The following GUCY2D variants were observed in gnomAD, a reference collection of about 807,000 sequenced individuals.
GUCY2D encodes the protein guanylate cyclase 2D, retinal.
A neutral mutation model predicts 101.3 loss-of-function variants in GUCY2D; 70 were observed. The ratio of observed to expected loss-of-function variants is 0.69; its 90% confidence interval spans 0.57 to 0.84. GUCY2D has a LOEUF of 0.84. Among genes scored for constraint, GUCY2D ranks in the 40% least tolerant of loss-of-function variants. GUCY2D has a pLI of 0.00. For missense variants in GUCY2D, 1,460 were observed against 1,542.5 expected (o/e 0.95, Z 0.90); for synonymous variants, 688 against 670.7 (o/e 1.03, Z -0.40).
At chr17:8,018,805 T>C (rs1187423204) in intron 19 of GUCY2D, among the ~76,000 whole-genome samples, 3 of 151,888 alleles carry the variant, frequency 2.0e-5, no homozygotes, top group Non-Finnish European at 4.4e-5. Flanking sequence ...GGTATTAGGA[T>C]TACAGGGGCT....
At chr17:8,007,329 C>T in intron 5 of GUCY2D, 97 bp from the exon 6 acceptor site, 1 of 964,448 alleles carries the variant, frequency 1.0e-6, no homozygotes, top group Non-Finnish European at 1.7e-6. Flanking sequence ...TCCAGGACCC[C>T]TCCCCTGAGC....
rs747173302 is a variant in GUCY2D, at chr17:8,012,199, G to A, written c.1805G>A (p.Arg602Gln). Residue 602 changes from arginine to glutamine, a missense_variant, in exon 9 of 20, where the codon CGG becomes CAG. Physicochemically the swap from Arg to Gln is conservative, Grantham distance 43 (BLOSUM62 1). Around this residue, in one of 3 missense-constraint regions of GUCY2D, gnomAD observed 1,196 missense variants for 1,229.6 expected, o/e 0.97. Coordinates refer to ENST00000254854, the MANE Select transcript of GUCY2D (RefSeq NM_000180.4). ...VALYLGLFLA[R>Q]GAEGPAALWE... Reference sequence around the variant, plus strand: ...CTCTACCTGGGGCTTTTCCTGGCTCGGGGAGCAGAAGGCCCTGCGGCCCTC... The same window carrying A: ...CTCTACCTGGGGCTTTTCCTGGCTCAGGGAGCAGAAGGCCCTGCGGCCCTC... 3.8e-5 allele frequency: 61 copies of A among 1,613,974 alleles called. No individual in the cohort carries two copies. The highest frequency in any genetic ancestry group is 8.0e-5 in the African/African-American group (6 of 74,930).
chr17:8,016,014 A>G lies in GUCY2D; in HGVS notation c.3131A>G (p.Glu1044Gly). Residue 1044 changes from glutamate to glycine, a missense_variant, in exon 17 of 20, where the codon GAG becomes GGG. Around this residue, in one of 3 missense-constraint regions of GUCY2D, gnomAD observed 215 missense variants for 227.9 expected, o/e 0.94. Coordinates refer to ENST00000254854, the MANE Select transcript of GUCY2D (RefSeq NM_000180.4). Reference protein sequence around the residue: ...GYQVELRGRTELKGKGAEDTF... With the variant: ...GYQVELRGRTGLKGKGAEDTF... ...CAGGTGGAGCTGCGAGGCCGCACGG[A>G]GCTGAAGGTGAGGCAGGGCCCCAAC... is the stretch of plus-strand genomic sequence containing the variant. 1 of 1,607,198 alleles carries G rather than the reference A, an allele frequency of 6.2e-7. No individual in the cohort carries two copies. Among genetic ancestry groups the G allele is most frequent in the Non-Finnish European group, 8.5e-7 (1 of 1,177,374 alleles).
rs564138931 is a variant in GUCY2D, at chr17:8,016,397, C to G, written c.3225-46C>G. Reference sequence around the variant, plus strand: ...CAGCGATGACGTGGGCCCTGCCCTCCCACGCCCCATTCCCCTTCCCTGAGG... The same window carrying G: ...CAGCGATGACGTGGGCCCTGCCCTCGCACGCCCCATTCCCCTTCCCTGAGG... On this transcript the variant is annotated intron_variant, in intron 18 of 19. Transcript: ENST00000254854. 18 of 1,456,624 alleles carry G rather than the reference C, an allele frequency of 1.2e-5. No homozygotes were observed. In the South Asian group the frequency reaches 2.2e-4, roughly 18 times the overall value. The allele number at this position is 1,456,624 out of a possible 1,614,324, so 90.2% of individuals were successfully genotyped here.
chr17:8,011,806 G>A lies in GUCY2D; in HGVS notation c.1750-338G>A, dbSNP rs1235217663. On this transcript the variant is annotated intron_variant, in intron 8 of 19. Coordinates refer to ENST00000254854, the MANE Select transcript of GUCY2D (RefSeq NM_000180.4). This position sits in a 1 kb window ranked among gnomAD's most constrained non-coding sequence, Gnocchi z 4.3. ...ATCATGCCGCTGCACTCCAGTCTGG[G>A]CAACAGAGTGAGACCTCGTGTCTAA... Among the ~76,000 whole-genome samples, 1 of 152,164 alleles carries A rather than the reference G, an allele frequency of 6.6e-6. No individual in the cohort carries two copies. Among genetic ancestry groups the A allele is most frequent in the East Asian group, 1.9e-4 (1 of 5,196 alleles).
intron 14 of GUCY2D, 66 bp downstream of exon 14, chr17:8,015,117 C>T: frequency 2.2e-6 from 3 of 1,394,824 alleles, no homozygotes; most frequent in Non-Finnish European, 3.0e-6. Flanking sequence ...CAGCCCAGCC[C>T]TTCCTGCGCA....
At position 8,003,800 on chromosome 17, in the gene GUCY2D, G is replaced by A. The variant is rs1315176467; in HGVS notation, c.721+32G>A. 3 of 1,602,600 alleles carry A rather than the reference G, an allele frequency of 1.9e-6. No individual in the cohort carries two copies. The Admixed American group carries it at 5.0e-5, about 27-fold the overall frequency. On this transcript the variant is annotated intron_variant, in intron 2 of 19. Transcript: ENST00000254854. Reference sequence around the variant, plus strand: ...TCCCTTGCAGGGTGCGAGGAGGTCGGCTGGTCCTGCCGGCAGCCGGACGGC... The same window carrying A: ...TCCCTTGCAGGGTGCGAGGAGGTCGACTGGTCCTGCCGGCAGCCGGACGGC...
rs144442115 is a variant in GUCY2D, at chr17:8,011,258, A to C, written c.1750-886A>C. On this transcript the variant is annotated intron_variant, in intron 8 of 19. Transcript: ENST00000254854. The surrounding 1 kb of genome is among the most constrained non-coding windows in gnomAD (Gnocchi z 4.3). ...GCCAGGCATGATGGCACACACCTGTAATCCCAGCTATTCGGGAGGCTGAGA... is the reference window on the plus strand; with the variant it reads ...GCCAGGCATGATGGCACACACCTGTCATCCCAGCTATTCGGGAGGCTGAGA... Among the ~76,000 whole-genome samples the C allele has an allele frequency of 5.9e-3, 896 of 152,238 alleles. 11 individuals carry two copies. The highest frequency in any genetic ancestry group is 0.02 in the African/African-American group (840 of 41,528).
At chr17:8,016,093 T>A in intron 17 of GUCY2D, 72 bp downstream of exon 17, 1 of 1,427,366 alleles carries the variant, frequency 7.0e-7, no homozygotes, top group Non-Finnish European at 9.7e-7. Context: ...GGGCCGCGGC[T>A]GCAAACCTCA....
Position 8,003,142 on chromosome 17 carries a change from C to A in GUCY2D, c.95C>A (p.Ala32Asp), listed in dbSNP as rs1975661198. 6.6e-7 allele frequency: 1 copy of A among 1,508,506 alleles called. No individual in the cohort carries two copies. Among genetic ancestry groups the A allele is most frequent in the Non-Finnish European group, 8.8e-7 (1 of 1,133,736 alleles). The allele number at this position is 1,508,506 out of a possible 1,614,324, so 93.4% of individuals were successfully genotyped here. The change falls in exon 2 of 20, where the codon GCC (alanine) becomes GAC (aspartate). Residue 32 changes from alanine to aspartate, a missense_variant. Ala to Asp is a moderately radical substitution (Grantham distance 126). Transcript: ENST00000254854. ...CCGTCCCTGCCCCGCCTCCCCCGGG[C>A]CCTGCCCCGGCTCCCGCTCCTGCTG... is the stretch of plus-strand genomic sequence containing the variant. ...WAPSLPRLPR[A>D]LPRLPLLLLL...
intron 19 of GUCY2D, among the ~76,000 whole-genome samples, chr17:8,017,732 G>A (rs1319858380): frequency 6.6e-6 from 1 of 152,004 alleles, no homozygotes; most frequent in Non-Finnish European, 1.5e-5. Flanking sequence ...TTGTCACCCA[G>A]GCTGGAGTGC....
chr17:8,003,441 G>A lies in GUCY2D; in HGVS notation c.394G>A (p.Ala132Thr). The A allele has an allele frequency of 6.6e-7, 1 of 1,517,704 alleles. No individual in the cohort carries two copies. The highest frequency in any genetic ancestry group is 1.2e-5 in the South Asian group (1 of 82,786). The allele number at this position is 1,517,704 out of a possible 1,614,324, so 94.0% of individuals were successfully genotyped here. The change falls in exon 2 of 20, where the codon GCC becomes ACC. Residue 132 changes from alanine to threonine, a missense_variant. Transcript: ENST00000254854. ...SGLVGPVNPA[A>T]CRPAELLAEE... The stretch of plus-strand genomic sequence containing the variant: ...CCTCGTGGGTCCGGTGAACCCTGCG[G>A]CCTGCCGGCCAGCCGAGCTGCTCGC...
chr17:8,015,698 C>T (rs1359648041), intron 15 of GUCY2D, 45 bp from the exon 16 acceptor site: 1 of 1,436,508 alleles, frequency 7.0e-7, no homozygotes, highest in Non-Finnish European at 9.6e-7. Context: ...AGGTGCAGCC[C>T]AGGGCCGGCC....
chr17:8,014,652 C>G lies in GUCY2D; in HGVS notation c.2464C>G (p.Arg822Gly). ...RKTNIIDSML[R>G]MLEQYSSNLE... ...GACGAACATCATTGACTCGATGCTT[C>G]GGATGCTGGAGCAGTACTCTAGTAA... The change falls in exon 13 of 20, where the codon CGG (arginine) becomes GGG (glycine). Residue 822 changes from arginine (R) to glycine (G), a missense_variant. Transcript: ENST00000254854. This position sits in a 1 kb window ranked among gnomAD's most constrained non-coding sequence, Gnocchi z 4.0. The G allele has an allele frequency of 1.2e-6, 2 of 1,614,070 alleles. No homozygotes were observed. Among genetic ancestry groups the G allele is most frequent in the Non-Finnish European group, 1.7e-6 (2 of 1,179,946 alleles).
intron 3 of GUCY2D, among the ~76,000 whole-genome samples, chr17:8,005,186 C>T (rs1037648417): frequency 3.9e-5 from 6 of 152,164 alleles, no homozygotes; most frequent in African/African-American, 1.2e-4. Context: ...AAAGATCATT[C>T]GAATTCATCC....
rs757259115 is a variant in GUCY2D at position 8,009,495 on chromosome 17, CTT to C, written c.1669-9_1669-8del. On this transcript the variant is annotated splice_polypyrimidine_tract_variant and intron_variant, in intron 7 of 19. Coordinates refer to ENST00000254854, the MANE Select transcript of GUCY2D (RefSeq NM_000180.4). ...AGACTGAGTTCCCTACCCCCATCCT[CTT>C]TGCTGCAGGGAGACAGGGTTTGGCT... The C allele has an allele frequency of 1.9e-4, 305 of 1,599,352 alleles. No homozygotes were observed. The highest frequency in any genetic ancestry group is 2.4e-4 in the Non-Finnish European group (280 of 1,166,662).
At position 8,007,962 on chromosome 17, in the gene GUCY2D, C is replaced by A; in HGVS notation, c.1598C>A (p.Ala533Asp). 1 of 1,613,484 alleles carries A rather than the reference C, an allele frequency of 6.2e-7. No homozygotes were observed. Among genetic ancestry groups the A allele is most frequent in the South Asian group, 1.1e-5 (1 of 91,042 alleles). Residue 533 changes from alanine (A) to aspartate (D), a missense_variant, in exon 7 of 20, where the codon GCC (alanine) becomes GAC (aspartate). Ala to Asp is a moderately radical substitution (Grantham distance 126, BLOSUM62 -2). Coordinates refer to ENST00000254854, the MANE Select transcript of GUCY2D (RefSeq NM_000180.4). ...VAQGSRSSLG[A>D]RSMSDIRSGP... ...CAGGGGAGTCGATCAAGTCTGGGTG[C>A]CCGCAGCATGTCAGACATTCGCAGC...
rs750399947 is a variant in GUCY2D, at chr17:8,012,457, G to C, written c.1964G>C (p.Arg655Thr). The C allele has an allele frequency of 6.2e-7, 1 of 1,613,964 alleles. No individual in the cohort carries two copies. Among genetic ancestry groups the C allele is most frequent in the Non-Finnish European group, 8.5e-7 (1 of 1,180,006 alleles). Residue 655 changes from arginine (R) to threonine (T), a missense_variant, in exon 10 of 20, where the codon AGG (arginine) becomes ACG (threonine). Arg to Thr is a moderately conservative substitution (Grantham distance 71, BLOSUM62 -1). Coordinates refer to ENST00000254854, the MANE Select transcript of GUCY2D (RefSeq NM_000180.4). ...TACCCTACCCATTCCAAGGGAATAA[G>C]GTATCTGCACCATCGAGGCGTGGCT... is the stretch of plus-strand genomic sequence containing the variant. ...SLLLDLIKGI[R>T]YLHHRGVAHG...
rs1452652342 is a variant in GUCY2D, at chr17:8,004,029, A to C, written c.899A>C (p.Gln300Pro). 6.2e-7 allele frequency: 1 copy of C among 1,612,004 alleles called. No individual in the cohort carries two copies. Among genetic ancestry groups the C allele is most frequent in the Admixed American group, 1.7e-5 (1 of 59,998 alleles). ...TTGGCCGCACTCGCCAACAGCTCCC[A>C]GCTTCGCAGGGCCCACGATGCCGTG... ...EALAALANSS[Q>P]LRRAHDAVLT... Residue 300 changes from glutamine (Q) to proline (P), a missense_variant, in exon 3 of 20, where the codon CAG (glutamine) becomes CCG (proline). Gln to Pro is a moderately conservative substitution (Grantham distance 76). Around this residue, in one of 3 missense-constraint regions of GUCY2D, gnomAD observed 1,196 missense variants for 1,229.6 expected, o/e 0.97. Coordinates refer to ENST00000254854, the MANE Select transcript of GUCY2D (RefSeq NM_000180.4).
Sources: allele counts gnomAD v4.1 joint callset (sites outside exome capture counted in the v4.1 genomes callset), GRCh38; gene constraint gnomAD v4.1.1; regional missense constraint gnomAD v4.1.1; non-coding constraint Gnocchi (gnomAD v3.1); transcripts MANE v1.5; gene names NCBI Gene and HGNC (gene_info 2026-07-23, HGNC 2026-07-21).